Variants in RGS7 observed in about 807,000 individuals in gnomAD.
The protein encoded by RGS7 is regulator of G protein signaling 7.
Under a neutral mutation model 81.1 loss-of-function variants are expected in RGS7, and 27 were observed. The observed-to-expected ratio is 0.33, with a 90% CI of 0.25 to 0.46. RGS7 has a LOEUF of 0.46. Among genes scored for constraint, RGS7 ranks in the 20% least tolerant of loss-of-function variants. The pLI is 1.00. For missense variants in RGS7, 396 were observed against 607.4 expected, an observed-to-expected ratio of 0.65 and a Z score of 3.66; for synonymous variants, 208 against 207.7, an observed-to-expected ratio of 1.00 and a Z score of -0.01.
intron 4 of RGS7, among the ~76,000 whole-genome samples, chr1:240,976,867 T>TCATC (rs1362415790): frequency 2.4e-5 from 1 of 42,192 alleles, no homozygotes; most frequent in African/African-American, 4.7e-5. Context: ...CTACCATCCA[T>TCATC]CATCTATCTG....
chr1:241,234,811 C>G (rs868356702), intron 2 of RGS7, among the ~76,000 whole-genome samples: 8 of 151,254 alleles, frequency 5.3e-5, no homozygotes, highest in African/African-American at 1.7e-4. Flanking sequence ...ATAGTAGTTA[C>G]TTAATTAATG....
chr1:241,307,620 T>C (rs1232682663), intron 2 of RGS7, among the ~76,000 whole-genome samples: 1 of 152,206 alleles, frequency 6.6e-6, no homozygotes, highest in Non-Finnish European at 1.5e-5. Context: ...TGATCACCCA[T>C]TCTACGACGG....
At chr1:241,219,749 G>A (rs2074785279) in intron 2 of RGS7, among the ~76,000 whole-genome samples, 1 of 152,122 alleles carries the variant, frequency 6.6e-6, no homozygotes, top group South Asian at 2.1e-4. Context: ...GGGAAAGAAA[G>A]CATTCCTTTG....
chr1:241,182,293 A>C (rs1558163038), intron 2 of RGS7, among the ~76,000 whole-genome samples: 1 of 152,174 alleles, frequency 6.6e-6, no homozygotes, highest in Admixed American at 6.5e-5. Context: ...CATGCCCCAT[A>C]GGACTCCAAA....
chr1:240,991,811 A>G (rs1686497608), intron 3 of RGS7, among the ~76,000 whole-genome samples: 1 of 152,222 alleles, frequency 6.6e-6, no homozygotes, highest in East Asian at 1.9e-4. Context: ...TAATCGATTA[A>G]TCAATTCCAT....
At chr1:241,209,293 G>A (rs2074107908) in intron 2 of RGS7, among the ~76,000 whole-genome samples, 1 of 152,102 alleles carries the variant, frequency 6.6e-6, no homozygotes, top group Admixed American at 6.6e-5. Flanking sequence ...ATTGAATAAA[G>A]GGATCTGATT....
chr1:240,967,568 TG>T (rs543910244), intron 4 of RGS7, among the ~76,000 whole-genome samples: 3,351 of 53,848 alleles, frequency 0.062, 51 homozygotes, highest in South Asian at 0.2. Flanking sequence ...TGCCAAGAAG[TG>T]GGGGGGGGGG....
Position 241,043,572 on chromosome 1 carries a change from ATAT to A in RGS7, c.175+55091_175+55093del, listed in dbSNP as rs1476467940. On this transcript the variant is annotated intron_variant, in intron 3 of 18. Coordinates refer to ENST00000440928, the MANE Select transcript of RGS7 (RefSeq NM_001364886.1). ...ATAATATTATATAGTTATATTTTAT[ATAT>A]TATATTAGTTATATTTTATATATTA... Among the ~76,000 whole-genome samples the A allele has an allele frequency of 2.7e-5, 4 of 147,328 alleles. No individual in the cohort carries two copies. In the East Asian group the frequency reaches 7.8e-4, roughly 29 times the overall value.
intron 2 of RGS7, among the ~76,000 whole-genome samples, chr1:241,294,984 A>G (rs752832011): frequency 5.3e-5 from 8 of 152,162 alleles, no homozygotes; most frequent in Admixed American, 2.6e-4. Context: ...GTTTTCAGCA[A>G]TGTATGACTA....
rs763629150 is a variant in RGS7 at position 240,801,482 on chromosome 1, T to C, written c.1386A>G (p.Thr462=). 7 of 1,608,812 alleles carry C rather than the reference T, an allele frequency of 4.4e-6. No individual in the cohort carries two copies. The highest frequency in any genetic ancestry group is 1.7e-5 in the Admixed American group (1 of 59,866). ...KKSGNSMDRR[T]SFEKFAQNVG... is the part of the protein sequence containing the mutation. ...CATTCTGTGCAAATTTTTCAAAAGA[T>C]GTTCTGCGATCCATTGAGTTTCCAG... The change falls in exon 17 of 19, where the codon ACA becomes ACG. Residue 462 remains threonine, a synonymous_variant. Transcript: ENST00000440928.
At chr1:240,802,654 A>T (rs1034203257) in intron 16 of RGS7, among the ~76,000 whole-genome samples, 1 of 152,170 alleles carries the variant, frequency 6.6e-6, no homozygotes, top group Non-Finnish European at 1.5e-5. Flanking sequence ...TGAAACATGA[A>T]AACAGCTTCT....
intron 2 of RGS7, among the ~76,000 whole-genome samples, chr1:241,239,894 A>G (rs1449132404): frequency 6.6e-6 from 1 of 152,228 alleles, no homozygotes; most frequent in Non-Finnish European, 1.5e-5. Context: ...CCTGCAGTTC[A>G]GCAAATACAC....
At chr1:241,095,853 A>G (rs2102869263) in intron 3 of RGS7, among the ~76,000 whole-genome samples, 1 of 152,332 alleles carries the variant, frequency 6.6e-6, no homozygotes, top group South Asian at 2.1e-4. Context: ...CTACGGTGGC[A>G]TAGAACACTG....
chr1:240,941,865 T>C (rs542857386), intron 4 of RGS7, among the ~76,000 whole-genome samples: 2 of 150,818 alleles, frequency 1.3e-5, no homozygotes, highest in Admixed American at 1.3e-4. Context: ...ACTCTCCCAA[T>C]AACGGCACAC....
intron 3 of RGS7, among the ~76,000 whole-genome samples, chr1:240,992,720 G>C (rs1686632174): frequency 6.6e-6 from 1 of 151,606 alleles, no homozygotes; most frequent in African/African-American, 2.4e-5. Flanking sequence ...CATTTTTGGG[G>C]TTCTATTTAA....
At chr1:241,242,306 G>GTAGATAAA (rs1553297085) in intron 2 of RGS7, among the ~76,000 whole-genome samples, 3 of 147,442 alleles carry the variant, frequency 2.0e-5, no homozygotes, top group Non-Finnish European at 3.0e-5. Context: ...CTATGGATGA[G>GTAGATAAA]TAGATAGATA....
At position 241,330,186 on chromosome 1, in the gene RGS7, G is replaced by A. The variant is rs371721705; in HGVS notation, c.78+25513C>T. Among the ~76,000 whole-genome samples the A allele has an allele frequency of 6.9e-3, 1,052 of 152,110 alleles. 9 individuals are homozygous for A. Among genetic ancestry groups the A allele is most frequent in the Middle Eastern group, 0.01 (3 of 294 alleles). Reference sequence around the variant, plus strand: ...GATCTCCTGACCTCGTGATCCACCCGCCTCAGCCTCCCAAAGTGCTGGGAT... The same window carrying A: ...GATCTCCTGACCTCGTGATCCACCCACCTCAGCCTCCCAAAGTGCTGGGAT... On this transcript the variant is annotated intron_variant, in intron 2 of 18. Transcript: ENST00000440928.
chr1:241,029,086 G>C (rs1340462559), intron 3 of RGS7, among the ~76,000 whole-genome samples: 1 of 152,162 alleles, frequency 6.6e-6, no homozygotes, highest in Non-Finnish European at 1.5e-5. Flanking sequence ...GATTTCTGGA[G>C]GCTGGCTCGG....
At chr1:240,927,701 T>C (rs1050101471) in intron 6 of RGS7, among the ~76,000 whole-genome samples, 6 of 152,200 alleles carry the variant, frequency 3.9e-5, no homozygotes, top group Non-Finnish European at 4.4e-5. Flanking sequence ...TTTTCTCCCA[T>C]ATCCTCTTAA....
Sources: allele counts gnomAD v4.1 joint callset (sites outside exome capture counted in the v4.1 genomes callset), GRCh38; gene constraint gnomAD v4.1.1; transcripts MANE v1.5; gene names NCBI Gene and HGNC (gene_info 2026-07-23, HGNC 2026-07-21).